DNAH17: variants seen among roughly 807,000 people sequenced by gnomAD.
The protein encoded by DNAH17 is axonemal beta dynein heavy chain 17.
Under a neutral mutation model 485.6 loss-of-function variants are expected in DNAH17, and 376 were observed. The ratio of observed to expected loss-of-function variants is 0.77; its 90% CI spans 0.71 to 0.84. DNAH17 has a LOEUF of 0.84. DNAH17 is among the 40% of genes least tolerant of loss of function. The pLI is 0.00. For synonymous variants in DNAH17, 3,031 were observed against 2,405.9 expected, an observed-to-expected ratio of 1.26 and a Z score of -7.60; for missense variants, 6,370 against 5,839.3, an observed-to-expected ratio of 1.09 and a Z score of -2.96.
In DNAH17 at chr17:78,468,718, T is replaced by C. The variant is rs2088605867; in HGVS notation, c.8677A>G (p.Ile2893Val). 6.2e-7 allele frequency: 1 copy of C among 1,613,886 alleles called. No individual in the cohort carries two copies. The highest frequency in any genetic ancestry group is 1.7e-5 in the Admixed American group (1 of 60,000). ...ACTTGGGGTCGCATGGAGGAGATGA[T>C]GTTCTCCACCTCGTCCTCCATAAAC... ...GLFMEDEVEN[I>V]ISSMRPQVKS... is the part of the protein sequence containing the mutation. The change falls in exon 55 of 81, where the codon ATC becomes GTC. Residue 2893 changes from isoleucine (I) to valine (V), a missense_variant. Physicochemically the swap from Ile to Val is conservative, Grantham distance 29. Coordinates refer to ENST00000389840, the MANE Select transcript of DNAH17 (RefSeq NM_173628.4).
intron 13 of DNAH17, among the ~76,000 whole-genome samples, chr17:78,560,228 C>G (rs1009979857): frequency 6.6e-6 from 1 of 152,114 alleles, no homozygotes; most frequent in East Asian, 1.9e-4. Context: ...ATTTGGTGAA[C>G]GAAAGAATGA....
At chr17:78,472,893 T>G (rs553489658) in intron 54 of DNAH17, 15 of 339,614 alleles carry the variant, frequency 4.4e-5, no homozygotes, top group South Asian at 3.1e-4. Context: ...CCTAGAACAC[T>G]ACCACATCCT....
intron 32 of DNAH17, 81 bp downstream of exon 32, chr17:78,502,805 A>G: frequency 3.1e-6 from 5 of 1,590,172 alleles, no homozygotes; most frequent in Non-Finnish European, 4.3e-6. Flanking sequence ...GACCACAGTT[A>G]ACAGCGGAGC....
chr17:78,558,011 C>T, intron 14 of DNAH17, 97 bp downstream of exon 14: 1 of 1,398,276 alleles, frequency 7.2e-7, no homozygotes, highest in South Asian at 1.5e-5. Context: ...GAAGATTTCC[C>T]AGGAAGAGCC....
chr17:78,431,124 C>T (rs2086655884), intron 75 of DNAH17, among the ~76,000 whole-genome samples: 1 of 152,228 alleles, frequency 6.6e-6, no homozygotes, highest in African/African-American at 2.4e-5. Context: ...AGCAGTCCTC[C>T]TGCCTCGGCC....
In DNAH17 at chr17:78,486,420, C is replaced by T; in HGVS notation, c.6905G>A (p.Cys2302Tyr). The T allele has an allele frequency of 6.2e-7, 1 of 1,613,818 alleles. No individual in the cohort carries two copies. The highest frequency in any genetic ancestry group is 8.5e-7 in the Non-Finnish European group (1 of 1,179,888). The change falls in exon 45 of 81, where the codon TGC becomes TAC. Residue 2302 changes from cysteine to tyrosine, a missense_variant. Physicochemically the swap from Cys to Tyr is radical, Grantham distance 194 (BLOSUM62 -2). Transcript: ENST00000389840. Reference protein sequence around the residue: ...MILFDKYLPTCLDKLRFGFKK... With the variant: ...MILFDKYLPTYLDKLRFGFKK... ...GAACCCAAAGCGCAACTTGTCCAGG[C>T]ACGTGGGCAGGTACTTGTCAAAGAG...
At chr17:78,427,537 G>A (rs1212133154) in intron 77 of DNAH17, among the ~76,000 whole-genome samples, 1 of 152,212 alleles carries the variant, frequency 6.6e-6, no homozygotes, top group Non-Finnish European at 1.5e-5. Flanking sequence ...ACCACCGTCT[G>A]TCAGCCAATT....
At position 78,560,896 on chromosome 17, in the gene DNAH17, C is replaced by T; in HGVS notation, c.1875G>A (p.Lys625=). The T allele has an allele frequency of 6.4e-7, 1 of 1,551,420 alleles. No individual in the cohort carries two copies. The highest frequency in any genetic ancestry group is 8.7e-7 in the Non-Finnish European group (1 of 1,147,128). The change falls in exon 13 of 81, where the codon AAG becomes AAA. Residue 625 remains lysine, a synonymous_variant. Transcript: ENST00000389840. The part of the protein sequence containing the change: ...SGAEAKLTYQ[K]YDEMMELLRC... ...TCAGCAGCTCCATCATCTCGTCATA[C>T]TTCTGATAGGTCAGCTTGGCCTCTG... is the stretch of plus-strand genomic sequence containing the variant.
chr17:78,448,069 G>A (rs1414274254), intron 69 of DNAH17, among the ~76,000 whole-genome samples: 1 of 152,086 alleles, frequency 6.6e-6, no homozygotes, highest in Admixed American at 6.6e-5. Flanking sequence ...CTACTCGGAA[G>A]ACTGAGGTAG....
rs142098845 is a variant in DNAH17 at position 78,536,048 on chromosome 17, G to A, written c.2859+1251C>T. Among the ~76,000 whole-genome samples the A allele has an allele frequency of 1.4e-4, 22 of 152,190 alleles. No homozygotes were observed. In the East Asian group the frequency reaches 3.3e-3, roughly 23 times the overall value. ...ACCCCAGAGCCTGGCCAGGCTCTCC[G>A]TGTGTCTTGTTTGATGCGTTTAGAC... On this transcript the variant is annotated intron_variant, in intron 19 of 80. Transcript: ENST00000389840.
intron 52 of DNAH17, among the ~76,000 whole-genome samples, chr17:78,476,199 C>T (rs563697519): frequency 9.9e-5 from 15 of 152,272 alleles, no homozygotes; most frequent in African/African-American, 3.1e-4. Context: ...TTCCTCCTCA[C>T]TCAGACCCAC....
rs1420871336 is a variant in DNAH17 at position 78,495,891 on chromosome 17, G to A, written c.5887C>T (p.Leu1963=). Residue 1963 remains leucine, a synonymous_variant, in exon 38 of 81, where the codon CTA becomes TTA. Transcript: ENST00000389840. ...YAGRAELPEN[L]KALFRPCAMV... ...GCCACGTACCTGAATAAGGCTTTTA[G>A]GTTCTCAGGCAGCTCCGCGCGTCCG... 7 of 1,613,478 alleles carry A rather than the reference G, an allele frequency of 4.3e-6. No individual in the cohort carries two copies. The Admixed American group carries it at 6.7e-5, about 15-fold the overall frequency.
chr17:78,542,234 G>A (rs563848960), intron 17 of DNAH17, among the ~76,000 whole-genome samples: 5 of 148,512 alleles, frequency 3.4e-5, no homozygotes, highest in South Asian at 2.1e-4. Flanking sequence ...TGCAACCTCC[G>A]CCTCCCAGGT....
intron 15 of DNAH17, among the ~76,000 whole-genome samples, chr17:78,552,129 G>C (rs1174614788): frequency 6.6e-6 from 1 of 152,142 alleles, no homozygotes; most frequent in Non-Finnish European, 1.5e-5. Flanking sequence ...CACAAATATA[G>C]TGTCCCTTTG....
At chr17:78,549,139 G>A (rs532941499) in intron 16 of DNAH17, among the ~76,000 whole-genome samples, 24 of 152,234 alleles carry the variant, frequency 1.6e-4, no homozygotes, top group Non-Finnish European at 2.4e-4. Context: ...TCACATATTC[G>A]AGTCCTAGCT....
chr17:78,496,082 A>C, intron 37 of DNAH17, 50 bp from the exon 38 acceptor site: 2 of 1,585,702 alleles, frequency 1.3e-6, no homozygotes, highest in Non-Finnish European at 1.7e-6. Context: ...GCCAGCTTCC[A>C]CACACCAGAG....
intron 48 of DNAH17, 131 bp downstream of exon 48, chr17:78,484,737 G>GCACCCCCC: frequency 3.5e-6 from 1 of 282,514 alleles, no homozygotes; most frequent in Non-Finnish European, 5.7e-6. Context: ...CCACGTTGCA[G>GCACCCCCC]CACCCCCCCC....
Position 78,530,384 on chromosome 17 carries a change from G to A in DNAH17, c.3243C>T (p.Gly1081=). 1 of 1,612,798 alleles carries A rather than the reference G, an allele frequency of 6.2e-7. No homozygotes were observed. Among genetic ancestry groups the A allele is most frequent in the Non-Finnish European group, 8.5e-7 (1 of 1,179,124 alleles). ...QALLSTIRRW[G]FMFKRHLSNH... is the part of the protein sequence containing the mutation. ...TGCTCAGGTGCCGCTTGAACATGAAGCCCCAGCGCCGGATTGTGCTGAGCA... is the reference window on the plus strand; with the variant it reads ...TGCTCAGGTGCCGCTTGAACATGAAACCCCAGCGCCGGATTGTGCTGAGCA... The change falls in exon 21 of 81, where the codon GGC becomes GGT. Residue 1081 remains glycine (G), a synonymous_variant. Transcript: ENST00000389840.
intron 11 of DNAH17, among the ~76,000 whole-genome samples, chr17:78,564,944 G>C (rs78128379): frequency 5.1e-4 from 77 of 152,160 alleles, no homozygotes; most frequent in African/African-American, 1.5e-3. Context: ...CTGAGAAAGG[G>C]AATGTTGCCA....
Sources: gnomAD v4.1 joint callset for allele counts (sites outside exome capture counted in the v4.1 genomes callset) on GRCh38, gnomAD v4.1.1 for gene constraint, MANE v1.5 for transcripts, NCBI Gene and HGNC (gene_info 2026-07-23, HGNC 2026-07-21) for gene names.